EMC1: variants seen among roughly 807,000 people sequenced by gnomAD.
EMC1 encodes the protein ER membrane protein complex subunit 1.
In EMC1, 103 loss-of-function variants were observed where a neutral mutation model predicts 128.8. That is an observed-to-expected ratio of 0.80 (90% CI 0.68 to 0.94). EMC1 has a LOEUF of 0.94. EMC1 is among the 40% of genes least tolerant of loss of function. EMC1 has a pLI of 0.00. For synonymous variants in EMC1, 442 were observed against 490.4 expected, an observed-to-expected ratio of 0.90 and a Z score of 1.30; for missense variants, 1,083 against 1,250.6, an observed-to-expected ratio of 0.87 and a Z score of 2.02.
In EMC1 at chr1:19,227,382, C is replaced by T. The variant is rs2093483305; in HGVS notation, c.2133G>A (p.Lys711=). The change falls in exon 18 of 23, where the codon AAG becomes AAA. Residue 711 remains lysine, a synonymous_variant. Coordinates refer to ENST00000477853, the MANE Select transcript of EMC1 (RefSeq NM_015047.3). ...GAACGTGCTCACTGCTGCGTTTCCC[C>T]TTCACCTTGACGATCCGCTGTACTT... The part of the protein sequence containing the change: ...PPEVQRIVKV[K]GKRSSEHVHS... 1 of 1,614,112 alleles carries T rather than the reference C, an allele frequency of 6.2e-7. No homozygotes were observed. The highest frequency in any genetic ancestry group is 1.7e-5 in the Admixed American group (1 of 60,010).
chr1:19,216,461 A>G lies in EMC1; in HGVS notation c.*2842T>C, dbSNP rs954790922. The G allele has an allele frequency of 6.6e-5, 10 of 152,234 alleles. No homozygotes were observed. The highest frequency in any genetic ancestry group is 1.3e-4 in the Non-Finnish European group (9 of 68,042). 9.4% of individuals were successfully genotyped at this position (152,234 alleles called of 1,614,324 possible). On this transcript the variant is annotated 3_prime_UTR_variant, in exon 23 of 23. Coordinates refer to ENST00000477853, the MANE Select transcript of EMC1 (RefSeq NM_015047.3). ...TCATCTTTATGAATACATGATATTC[A>G]AGATACATTAGCTGAGCCTTTATAA...
rs2093571496 is a variant in EMC1, at chr1:19,237,146, C to A, written c.1305G>T (p.Gln435His). ...GGTTGAATGAGGTCTACTTACCCAA[C>A]TGCTGCAGGAAAAGTAGCAGATGAT... ...TEDHLLLFLQQLAGKVVLWSR... is the reference protein window; with the variant it reads ...TEDHLLLFLQHLAGKVVLWSR... The change falls in exon 12 of 23, where the codon CAG (glutamine) becomes CAT (histidine). Residue 435 changes from glutamine to histidine, a missense_variant. Gln to His is a conservative substitution (Grantham distance 24, BLOSUM62 0). This residue lies in a region of EMC1 where 544 missense variants were observed against 572.4 expected (regional missense o/e 0.95). Coordinates refer to ENST00000477853, the MANE Select transcript of EMC1 (RefSeq NM_015047.3). 6 of 1,613,226 alleles carry A rather than the reference C, an allele frequency of 3.7e-6. No homozygotes were observed. In the East Asian group the frequency reaches 1.3e-4, roughly 36 times the overall value.
chr1:19,222,564 G>T lies in EMC1; in HGVS notation c.2587+60C>A, dbSNP rs2093439839. Reference sequence around the variant, plus strand: ...CTGCCAGCAATGTGTCCCTTGCTCTGTCCTTAAGTGTGGTTGCCCAAGGGA... The same window carrying T: ...CTGCCAGCAATGTGTCCCTTGCTCTTTCCTTAAGTGTGGTTGCCCAAGGGA... On this transcript the variant is annotated intron_variant, in intron 20 of 22. Coordinates refer to ENST00000477853, the MANE Select transcript of EMC1 (RefSeq NM_015047.3). The T allele has an allele frequency of 3.4e-6, 5 of 1,460,004 alleles. No homozygotes were observed. The East Asian group carries it at 6.9e-5, about 20-fold the overall frequency. The allele number at this position is 1,460,004 out of a possible 1,614,324, so 90.4% of individuals were successfully genotyped here.
intron 16 of EMC1, 49 bp from the exon 17 acceptor site, chr1:19,231,012 C>T: frequency 6.2e-7 from 1 of 1,607,992 alleles, no homozygotes; most frequent in South Asian, 1.1e-5. Context: ...ATTTCCCCAT[C>T]AAAGAGAGCC....
In EMC1 at chr1:19,219,866, G is replaced by A. The variant is rs1277907438; in HGVS notation, c.2673-168C>T. 54 of 640,086 alleles carry A rather than the reference G, an allele frequency of 8.4e-5. 1 individual carries two copies. In the Admixed American group the frequency reaches 1.6e-3, roughly 19 times the overall value. The allele number at this position is 640,086 out of a possible 1,614,324, so 39.7% of individuals were successfully genotyped here. A position where few individuals can be genotyped will look rare whatever the true frequency, so the allele number is the denominator to read the frequency against. On this transcript the variant is annotated intron_variant, in intron 21 of 22. Coordinates refer to ENST00000477853, the MANE Select transcript of EMC1 (RefSeq NM_015047.3). Reference sequence around the variant, plus strand: ...AAATTTAGCAGCTGAATGTTAGGAAGGACTACAAGAAAGGAAGCTCTCTGG... The same window carrying A: ...AAATTTAGCAGCTGAATGTTAGGAAAGACTACAAGAAAGGAAGCTCTCTGG...
chr1:19,220,884 G>T (rs549976625), intron 20 of EMC1, 36 bp from the exon 21 acceptor site: 1 of 1,498,970 alleles, frequency 6.7e-7, no homozygotes, highest in Non-Finnish European at 9.2e-7. Context: ...CACCGATCCA[G>T]TGTCCAGCAA....
intron 5 of EMC1, among the ~76,000 whole-genome samples, chr1:19,241,446 A>G (rs1441086138): frequency 1.3e-5 from 2 of 152,368 alleles, no homozygotes; most frequent in African/African-American, 4.8e-5. Flanking sequence ...CAGGCAGGCC[A>G]GGAGCACTGC....
intron 13 of EMC1, 107 bp from the exon 14 acceptor site, chr1:19,233,242 TC>T: frequency 1.0e-6 from 1 of 964,880 alleles, no homozygotes; most frequent in Non-Finnish European, 1.6e-6. Flanking sequence ...AGCAATAAAG[TC>T]CACACTCTAG....
chr1:19,216,874 G>C lies in EMC1; in HGVS notation c.*2429C>G, dbSNP rs2093399981. The C allele has an allele frequency of 6.6e-6, 1 of 151,778 alleles. No homozygotes were observed. The highest frequency in any genetic ancestry group is 1.5e-5 in the Non-Finnish European group (1 of 68,042). 9.4% of individuals were successfully genotyped at this position (151,778 alleles called of 1,614,324 possible). On this transcript the variant is annotated 3_prime_UTR_variant, in exon 23 of 23. Coordinates refer to ENST00000477853, the MANE Select transcript of EMC1 (RefSeq NM_015047.3). ...CCCGGCTAATTTTTTTTTATTTTTT[G>C]TAGATAGAGTCTTGCTATGTTGCCC...
At position 19,238,159 on chromosome 1, in the gene EMC1, G is replaced by A. The variant is rs377235378; in HGVS notation, c.1090-20C>T. The A allele has an allele frequency of 2.4e-5, 39 of 1,611,958 alleles. No individual in the cohort carries two copies. The highest frequency in any genetic ancestry group is 4.5e-5 in the East Asian group (2 of 44,850). On this transcript the variant is annotated intron_variant, in intron 10 of 22. Coordinates refer to ENST00000477853, the MANE Select transcript of EMC1 (RefSeq NM_015047.3). Reference sequence around the variant, plus strand: ...AGAGTCCTAGGAGTACAGACAGCACGTGTCAACTACAGGTATCCCCCGAAA... The same window carrying A: ...AGAGTCCTAGGAGTACAGACAGCACATGTCAACTACAGGTATCCCCCGAAA...
rs747905122 is a variant in EMC1 at position 19,227,334 on chromosome 1, C to A, written c.2181G>T (p.Gly727=). The A allele has an allele frequency of 2.5e-6, 4 of 1,614,118 alleles. No homozygotes were observed. In the Admixed American group the frequency reaches 5.0e-5, roughly 20 times the overall value. ...GTACCTTGTAGAGCACACTGCGGTC[C>A]CCCATCACACGGCCCTGGGAATGAA... ...EHVHSQGRVM[G]DRSVLYKSLN... The change falls in exon 18 of 23, where the codon GGG becomes GGT. Residue 727 remains glycine (G), a synonymous_variant. Transcript: ENST00000477853.
intron 1 of EMC1, among the ~76,000 whole-genome samples, chr1:19,250,354 A>C (rs541863050): frequency 4.9e-4 from 74 of 151,964 alleles, no homozygotes; most frequent in Non-Finnish European, 9.6e-4. Context: ...TCATTCATTC[A>C]TTCATTCATG....
intron 18 of EMC1, among the ~76,000 whole-genome samples, chr1:19,225,068 T>C (rs1291215241): frequency 6.6e-6 from 1 of 152,226 alleles, no homozygotes; most frequent in Admixed American, 6.5e-5. Context: ...CTGGTCACTT[T>C]CTAATATACT....
At chr1:19,239,633 T>TCTTTAG in intron 8 of EMC1, 185 bp downstream of exon 8, 2 of 617,156 alleles carry the variant, frequency 3.2e-6, no homozygotes, top group Non-Finnish European at 5.6e-6. Flanking sequence ...TCCTTTGTAA[T>TCTTTAG]ACTCAGGAGG....
At position 19,219,580 on chromosome 1, in the gene EMC1, A is replaced by G. The variant is rs767902629; in HGVS notation, c.2791T>C (p.Ser931Pro). ...GIYTAPSGLE[S>P]TCLVVAYGLD... ...TGGGCTCTACTCACCAAACAAGTGGACTCCAGACCCGAGGGAGCTGTGTAG... is the reference window on the plus strand; with the variant it reads ...TGGGCTCTACTCACCAAACAAGTGGGCTCCAGACCCGAGGGAGCTGTGTAG... The change falls in exon 22 of 23, where the codon TCC (serine) becomes CCC (proline). Residue 931 changes from serine to proline, a missense_variant. Physicochemically the swap from Ser to Pro is moderately conservative, Grantham distance 74 (BLOSUM62 -1). Transcript: ENST00000477853. 1 of 1,613,694 alleles carries G rather than the reference A, an allele frequency of 6.2e-7. No homozygotes were observed.
chr1:19,241,705 T>C (rs971496599), intron 5 of EMC1, among the ~76,000 whole-genome samples: 2 of 151,960 alleles, frequency 1.3e-5, no homozygotes, highest in African/African-American at 4.8e-5. Flanking sequence ...TTTGTAGAGA[T>C]GGGGTTGCCC....
At chr1:19,228,429 C>A (rs186590014) in intron 17 of EMC1, among the ~76,000 whole-genome samples, 82 of 152,240 alleles carry the variant, frequency 5.4e-4, no homozygotes, top group Non-Finnish European at 1.9e-4. Context: ...AACCAATAAA[C>A]ACTCATGGTT....
intron 11 of EMC1, 49 bp downstream of exon 11, chr1:19,237,968 T>C (rs754063040): frequency 2.5e-5 from 40 of 1,598,930 alleles, no homozygotes; most frequent in Middle Eastern, 2.0e-4. Context: ...AAGGAAGCCA[T>C]GTGCTGAGAA....
rs764744549 is a variant in EMC1 at position 19,241,167 on chromosome 1, A to G, written c.510-25T>C. The G allele has an allele frequency of 3.1e-6, 5 of 1,613,526 alleles. No homozygotes were observed. In the African/African-American group the frequency reaches 6.7e-5, roughly 22 times the overall value. The stretch of plus-strand genomic sequence containing the variant: ...ACTAAGAGAGGGAAGAAGAAACCGC[A>G]GCGTCAGCTTTCAACCCAGGACAGG... On this transcript the variant is annotated intron_variant, in intron 5 of 22. Transcript: ENST00000477853.
Sources: gnomAD v4.1 joint callset for allele counts (sites outside exome capture counted in the v4.1 genomes callset) on GRCh38, gnomAD v4.1.1 for gene constraint, gnomAD v4.1.1 regional missense constraint, MANE v1.5 for transcripts, NCBI Gene and HGNC (gene_info 2026-07-23, HGNC 2026-07-21) for gene names.